Variants in AFF3 observed in about 807,000 individuals in gnomAD.
AFF3 encodes ALF transcription elongation factor 3.
In AFF3, 32 loss-of-function variants were observed where a neutral mutation model predicts 129.7. That is an observed-to-expected ratio of 0.25 (90% CI 0.19 to 0.33). The LOEUF is 0.33. Among genes scored for constraint, AFF3 ranks in the 10% least tolerant of loss-of-function variants. The pLI, the probability that AFF3 is intolerant of heterozygous loss-of-function variation, is 1.00. For synonymous variants in AFF3, 644 were observed against 635.4 expected (o/e 1.01, Z -0.20); for missense variants, 1,373 against 1,592.0 (o/e 0.86, Z 2.34).
At chr2:99,648,118 T>A (rs540868262) in intron 13 of AFF3, among the ~76,000 whole-genome samples, 1 of 152,312 alleles carries the variant, frequency 6.6e-6, no homozygotes, top group African/African-American at 2.4e-5. Flanking sequence ...TGACCTTTTT[T>A]TTCCTGTATT....
At chr2:100,044,684 A>G (rs1429101897) in intron 4 of AFF3, among the ~76,000 whole-genome samples, 1 of 152,114 alleles carries the variant, frequency 6.6e-6, no homozygotes, top group Non-Finnish European at 1.5e-5. Flanking sequence ...AGCCTTCAAA[A>G]CACTAAACAT....
intron 8 of AFF3, among the ~76,000 whole-genome samples, chr2:99,793,557 T>C (rs1321372572): frequency 1.3e-5 from 2 of 152,228 alleles, no homozygotes; most frequent in African/African-American, 2.4e-5. Flanking sequence ...TTGAATCTAT[T>C]GGCATAAAGT....
At chr2:99,858,448 G>A (rs1170690987) in intron 7 of AFF3, among the ~76,000 whole-genome samples, 1 of 151,746 alleles carries the variant, frequency 6.6e-6, no homozygotes, top group African/African-American at 2.4e-5. Flanking sequence ...CTACTCTGGA[G>A]ACTGAGGTGG....
chr2:99,641,654 G>A (rs112485546), intron 13 of AFF3, among the ~76,000 whole-genome samples: 13,137 of 152,124 alleles, frequency 0.086, 686 homozygotes, highest in South Asian at 0.091. Flanking sequence ...CTCCAGCCTG[G>A]GCAACAGAGC....
At chr2:99,913,588 G>A (rs1038561861) in intron 7 of AFF3, among the ~76,000 whole-genome samples, 3 of 152,226 alleles carry the variant, frequency 2.0e-5, no homozygotes, top group African/African-American at 4.8e-5. Flanking sequence ...CACTTAAGTA[G>A]TAATGAGCAC....
intron 9 of AFF3, among the ~76,000 whole-genome samples, chr2:99,744,948 G>C (rs1681027643): frequency 6.6e-6 from 1 of 152,110 alleles, no homozygotes; most frequent in Admixed American, 6.6e-5. Flanking sequence ...AACTTTTTAA[G>C]GAACTGCCAA....
At chr2:99,842,866 T>C (rs1455512559) in intron 7 of AFF3, among the ~76,000 whole-genome samples, 1 of 152,174 alleles carries the variant, frequency 6.6e-6, no homozygotes, top group African/African-American at 2.4e-5. Context: ...GAAATGGTAT[T>C]TCATTGCAGA....
intron 7 of AFF3, among the ~76,000 whole-genome samples, chr2:99,899,941 C>T (rs1694230463): frequency 6.6e-6 from 1 of 152,144 alleles, no homozygotes; most frequent in African/African-American, 2.4e-5. Flanking sequence ...GGATGGTGTG[C>T]ACTCTGAAGT....
chr2:99,942,326 C>T (rs1022834066), intron 7 of AFF3, among the ~76,000 whole-genome samples: 3 of 152,158 alleles, frequency 2.0e-5, no homozygotes, highest in South Asian at 2.1e-4. Flanking sequence ...CCAAGGGCTA[C>T]GTTCACAAGT....
chr2:99,813,323 T>A (rs1046576342), intron 8 of AFF3, among the ~76,000 whole-genome samples: 23 of 152,212 alleles, frequency 1.5e-4, no homozygotes, highest in African/African-American at 5.5e-4. Flanking sequence ...GTGTAATAGA[T>A]TTTTATACCA....
chr2:99,568,856 G>A lies in AFF3; in HGVS notation c.2978C>T (p.Ala993Val), dbSNP rs888863373. The change falls in exon 19 of 25, where the codon GCA becomes GTA. Residue 993 changes from alanine (A) to valine (V), a missense_variant. Physicochemically the swap from Ala to Val is moderately conservative, Grantham distance 64 (BLOSUM62 0). Around this residue, in one of 9 missense-constraint regions of AFF3, gnomAD observed 65 missense variants for 102.1 expected, o/e 0.64. Transcript: ENST00000672756. The part of the protein sequence containing the change: ...EAKRMKHKAD[A>V]MVEKFGKALN... ...CTGGAAAGAAAAGGGTCTCACCATT[G>A]CATCTGCTTTATGCTTCATTCGTTT... 2 of 1,613,918 alleles carry A rather than the reference G, an allele frequency of 1.2e-6. No homozygotes were observed. The highest frequency in any genetic ancestry group is 1.7e-6 in the Non-Finnish European group (2 of 1,179,916).
chr2:99,987,334 A>G (rs1251841062), intron 7 of AFF3, among the ~76,000 whole-genome samples: 1 of 152,206 alleles, frequency 6.6e-6, no homozygotes, highest in Non-Finnish European at 1.5e-5. Flanking sequence ...AGCACAATGA[A>G]GCACTCCACA....
intron 8 of AFF3, among the ~76,000 whole-genome samples, chr2:99,826,222 C>T (rs1426468130): frequency 6.6e-6 from 1 of 152,054 alleles, no homozygotes; most frequent in East Asian, 1.9e-4. Flanking sequence ...ACCATGTTGG[C>T]CAGGCTGGTC....
chr2:100,137,212 G>A (rs1692672939), intron 1 of AFF3, among the ~76,000 whole-genome samples: 1 of 152,060 alleles, frequency 6.6e-6, no homozygotes, highest in Non-Finnish European at 1.5e-5. Flanking sequence ...TTGGAGGATG[G>A]GATTTAATAT....
chr2:99,621,917 C>A (rs12620982), intron 13 of AFF3, among the ~76,000 whole-genome samples: 1 of 151,872 alleles, frequency 6.6e-6, no homozygotes, highest in East Asian at 1.9e-4. Context: ...ACGCAGGCCA[C>A]GGGGAGGAAC....
intron 9 of AFF3, 38 bp downstream of exon 9, chr2:99,752,183 A>C (rs1214657913): frequency 3.9e-6 from 6 of 1,544,072 alleles, no homozygotes; most frequent in Middle Eastern, 1.7e-4. Flanking sequence ...TGCCTGCATG[A>C]GTGAAACATA....
At chr2:99,786,134 G>A (rs763334634) in intron 8 of AFF3, among the ~76,000 whole-genome samples, 6 of 152,196 alleles carry the variant, frequency 3.9e-5, no homozygotes, top group Admixed American at 6.5e-5. Context: ...GCACAATTAC[G>A]GGTGCTTTCT....
At chr2:99,927,875 C>A (rs1696377055) in intron 7 of AFF3, among the ~76,000 whole-genome samples, 1 of 152,114 alleles carries the variant, frequency 6.6e-6, no homozygotes, top group South Asian at 2.1e-4. Flanking sequence ...CTTGTAGCTC[C>A]CATAATTCCC....
Position 100,001,618 on chromosome 2 carries a change from G to A in AFF3, c.873+5014C>T, listed in dbSNP as rs182489449. On this transcript the variant is annotated intron_variant, in intron 7 of 24. Transcript: ENST00000672756. The stretch of plus-strand genomic sequence containing the variant: ...TAATTTTTGTATTTTTAGTAGACAC[G>A]AGGTTTACCGTGTTGGCCAGGATGG... 1.8e-3 allele frequency among the ~76,000 whole-genome samples: 281 copies of A among 152,232 alleles called. 2 individuals are homozygous for A. Among genetic ancestry groups the A allele is most frequent in the African/African-American group, 6.3e-3 (263 of 41,560 alleles).
Sources: allele counts gnomAD v4.1 joint callset (sites outside exome capture counted in the v4.1 genomes callset), GRCh38; gene constraint gnomAD v4.1.1; regional missense constraint gnomAD v4.1.1; transcripts MANE v1.5; gene names NCBI Gene and HGNC (gene_info 2026-07-23, HGNC 2026-07-21).